Variants in MIPEP observed in about 807,000 individuals in gnomAD.
MIPEP encodes the protein mitochondrial intermediate peptidase.
A neutral mutation model predicts 90.3 loss-of-function variants in MIPEP; 79 were observed. The observed-to-expected ratio is 0.87, with a 90% CI of 0.73 to 1.05. MIPEP has a LOEUF of 1.05. MIPEP is among the 50% of genes least tolerant of loss of function. The pLI is 0.00. For missense variants in MIPEP, 940 were observed against 905.6 expected (o/e 1.04, Z -0.49); for synonymous variants, 334 against 315.8 (o/e 1.06, Z -0.61).
At chr13:23,746,072 C>T (rs376162188) in intron 18 of MIPEP, among the ~76,000 whole-genome samples, 27 of 142,476 alleles carry the variant, frequency 1.9e-4, no homozygotes, top group Non-Finnish European at 3.2e-4. Flanking sequence ...TGGAGTGTAA[C>T]GGCACAATCT....
chr13:23,854,700 T>C (rs894093577), intron 10 of MIPEP, among the ~76,000 whole-genome samples: 1 of 151,958 alleles, frequency 6.6e-6, no homozygotes, highest in Non-Finnish European at 1.5e-5. Flanking sequence ...GAGATCAGCC[T>C]GGCCAAAACG....
At chr13:23,823,413 T>A (rs1326131595) in intron 14 of MIPEP, among the ~76,000 whole-genome samples, 1 of 152,238 alleles carries the variant, frequency 6.6e-6, no homozygotes, top group Non-Finnish European at 1.5e-5. Flanking sequence ...TCCCTGCATC[T>A]GAAACATCTG....
chr13:23,741,537 G>A (rs1952328683), intron 18 of MIPEP, among the ~76,000 whole-genome samples: 1 of 152,142 alleles, frequency 6.6e-6, no homozygotes, highest in Non-Finnish European at 1.5e-5. Context: ...GATGGAGTTG[G>A]AGGCCATTAT....
intron 16 of MIPEP, among the ~76,000 whole-genome samples, chr13:23,782,350 C>T (rs1409653645): frequency 7.9e-5 from 12 of 152,140 alleles, no homozygotes; most frequent in Admixed American, 1.3e-4. Context: ...TGCTCCTGAA[C>T]GACCACCGGG....
At position 23,837,631 on chromosome 13, in the gene MIPEP, G is replaced by C; in HGVS notation, c.1464C>G (p.Ser488Arg). Residue 488 changes from serine (S) to arginine (R), a missense_variant, in exon 13 of 19, where the codon AGC (serine) becomes AGG (arginine). Coordinates refer to ENST00000382172, the MANE Select transcript of MIPEP (RefSeq NM_005932.4). ...SRSSPTLLTP[S>R]MMENLFHEMG... ...TTTCATGGAAAAGATTTTCCATCAT[G>C]CTAGGAGTTAGCAAAGTTGGAGAAC... is the stretch of plus-strand genomic sequence containing the variant. The C allele has an allele frequency of 6.2e-7, 1 of 1,613,880 alleles. No homozygotes were observed.
At chr13:23,836,137 G>A in intron 14 of MIPEP, 103 bp downstream of exon 14, 1 of 630,016 alleles carries the variant, frequency 1.6e-6, no homozygotes, top group East Asian at 2.9e-5. Context: ...GTTACTAACA[G>A]AGGGTGAGTT....
intron 16 of MIPEP, among the ~76,000 whole-genome samples, chr13:23,779,235 G>A (rs1952749900): frequency 6.6e-6 from 1 of 152,186 alleles, no homozygotes; most frequent in South Asian, 2.1e-4. Flanking sequence ...GAAAGCAGCA[G>A]CAAAAATGTT....
At chr13:23,875,402 C>T (rs897042616) in intron 4 of MIPEP, among the ~76,000 whole-genome samples, 1 of 151,990 alleles carries the variant, frequency 6.6e-6, no homozygotes, top group Non-Finnish European at 1.5e-5. Context: ...TTCTTCTAGC[C>T]AGTAGCAGCT....
chr13:23,831,528 C>T (rs190838369), intron 14 of MIPEP, among the ~76,000 whole-genome samples: 111 of 152,216 alleles, frequency 7.3e-4, no homozygotes, highest in Non-Finnish European at 1.0e-3. Context: ...GCAACACATC[C>T]GGCAGCTCCT....
intron 16 of MIPEP, among the ~76,000 whole-genome samples, chr13:23,761,845 C>A (rs1344094067): frequency 6.6e-6 from 1 of 152,224 alleles, no homozygotes; most frequent in African/African-American, 2.4e-5. Flanking sequence ...GAAGCTTGGG[C>A]CGGGCACAGT....
intron 10 of MIPEP, among the ~76,000 whole-genome samples, chr13:23,858,297 G>A (rs767083211): frequency 6.6e-6 from 1 of 151,764 alleles, no homozygotes; most frequent in Non-Finnish European, 1.5e-5. Flanking sequence ...AAACACAGGA[G>A]GATATAGAAG....
chr13:23,744,398 T>C (rs1384517705), intron 18 of MIPEP, among the ~76,000 whole-genome samples: 1 of 152,164 alleles, frequency 6.6e-6, no homozygotes, highest in East Asian at 1.9e-4. Context: ...CAGTGGAATA[T>C]GCATGCACAT....
At chr13:23,812,400 G>C (rs1378325391) in intron 14 of MIPEP, among the ~76,000 whole-genome samples, 1 of 152,060 alleles carries the variant, frequency 6.6e-6, no homozygotes, top group East Asian at 1.9e-4. Context: ...GAAGGTGGAA[G>C]CCAGCAGAGG....
intron 16 of MIPEP, among the ~76,000 whole-genome samples, chr13:23,797,426 C>T (rs555455526): frequency 3.5e-4 from 54 of 152,244 alleles, no homozygotes; most frequent in African/African-American, 1.3e-3. Context: ...AAGCAGCTAC[C>T]ACCCCTCCTG....
At position 23,764,101 on chromosome 13, in the gene MIPEP, C is replaced by T. The variant is rs1011164814; in HGVS notation, c.1849-3884G>A. On this transcript the variant is annotated intron_variant, in intron 16 of 18. Coordinates refer to ENST00000382172, the MANE Select transcript of MIPEP (RefSeq NM_005932.4). ...CAGATGGATAAAAGCTTTCACACTT[C>T]CTTCAGGATATTTAACGTGTGGATC... Among the ~76,000 whole-genome samples, 16 of 152,318 alleles carry T rather than the reference C, an allele frequency of 1.1e-4. No homozygotes were observed. The South Asian group carries it at 2.9e-3, about 28-fold the overall frequency.
chr13:23,730,925 C>G (rs1038253708), intron 18 of MIPEP, among the ~76,000 whole-genome samples: 1 of 152,148 alleles, frequency 6.6e-6, no homozygotes, highest in African/African-American at 2.4e-5. Context: ...ATTTCCCTGT[C>G]CCAGAGAACT....
intron 8 of MIPEP, among the ~76,000 whole-genome samples, chr13:23,862,634 T>C (rs938834365): frequency 1.3e-5 from 2 of 152,222 alleles, no homozygotes; most frequent in African/African-American, 4.8e-5. Flanking sequence ...GCAATGTCAT[T>C]ACAAATATGC....
intron 3 of MIPEP, 68 bp downstream of exon 3, chr13:23,881,631 C>T (rs556463538): frequency 2.0e-5 from 27 of 1,350,994 alleles, no homozygotes; most frequent in Admixed American, 1.9e-4. Context: ...AAACTGCCTA[C>T]GGCACAAGTC....
At chr13:23,748,719 C>T (rs953890856) in intron 18 of MIPEP, among the ~76,000 whole-genome samples, 20 of 152,144 alleles carry the variant, frequency 1.3e-4, no homozygotes, top group East Asian at 5.8e-4. Context: ...TTCCTTCCTC[C>T]TAAGTCCCTC....
Sources: gnomAD v4.1 joint callset for allele counts (sites outside exome capture counted in the v4.1 genomes callset) on GRCh38, gnomAD v4.1.1 for gene constraint, MANE v1.5 for transcripts, NCBI Gene and HGNC (gene_info 2026-07-23, HGNC 2026-07-21) for gene names.